The following VPS8 variants were observed in gnomAD, a reference collection of about 807,000 sequenced individuals.
The protein encoded by VPS8 is VPS8 subunit of CORVET complex.
Under a neutral mutation model 216.4 loss-of-function variants are expected in VPS8, and 129 were observed. The ratio of observed to expected loss-of-function variants is 0.60; its 90% CI spans 0.52 to 0.69. The LOEUF (loss-of-function observed/expected upper bound fraction) is 0.69. VPS8 is among the 30% of genes least tolerant of loss of function. The pLI is 0.00. For missense variants in VPS8, 1,531 were observed against 1,683.5 expected (o/e 0.91, Z 1.59); for synonymous variants, 571 against 565.4 (o/e 1.01, Z -0.14).
At chr3:185,005,100 A>G (rs1265548983) in intron 45 of VPS8, among the ~76,000 whole-genome samples, 1 of 152,154 alleles carries the variant, frequency 6.6e-6, no homozygotes, top group Non-Finnish European at 1.5e-5. Flanking sequence ...TGGCTTGCCA[A>G]TTATCCCAAG....
At chr3:184,888,929 A>G (rs1731810936) in intron 22 of VPS8, among the ~76,000 whole-genome samples, 1 of 152,222 alleles carries the variant, frequency 6.6e-6, no homozygotes, top group South Asian at 2.1e-4. Context: ...GAATACTAGA[A>G]TACTGTCACA....
chr3:184,991,922 T>A (rs575151466), intron 42 of VPS8, among the ~76,000 whole-genome samples: 15 of 152,318 alleles, frequency 9.8e-5, no homozygotes, highest in African/African-American at 3.1e-4. Context: ...AGCTGTGAAG[T>A]AGAAATTTTT....
intron 23 of VPS8, among the ~76,000 whole-genome samples, chr3:184,896,577 C>A (rs79282682): frequency 3.3e-4 from 51 of 152,274 alleles, no homozygotes; most frequent in African/African-American, 1.2e-3. Flanking sequence ...TCAACAATGG[C>A]CTCTTTGTCC....
intron 21 of VPS8, among the ~76,000 whole-genome samples, chr3:184,884,761 C>T (rs1730906000): frequency 6.6e-6 from 1 of 152,176 alleles, no homozygotes. Context: ...CCAAGCTCTT[C>T]TGTGACCAGC....
chr3:185,043,413 A>G (rs1184751143), intron 46 of VPS8, among the ~76,000 whole-genome samples: 1 of 152,192 alleles, frequency 6.6e-6, no homozygotes, highest in Non-Finnish European at 1.5e-5. Context: ...TTCCCTCACA[A>G]GAAAGAGCCT....
chr3:184,942,006 A>T (rs754275421), intron 36 of VPS8, among the ~76,000 whole-genome samples: 72 of 151,938 alleles, frequency 4.7e-4, no homozygotes, highest in Non-Finnish European at 8.2e-4. Flanking sequence ...TTATCCTCTT[A>T]CTTTATGTCT....
intron 36 of VPS8, among the ~76,000 whole-genome samples, chr3:184,955,508 A>G (rs1454324739): frequency 3.3e-5 from 5 of 151,572 alleles, no homozygotes; most frequent in African/African-American, 7.3e-5. Context: ...CTCGTCTTGT[A>G]TGCAATAAAT....
intron 7 of VPS8, among the ~76,000 whole-genome samples, chr3:184,842,555 C>T (rs948442190): frequency 2.6e-5 from 4 of 152,032 alleles, no homozygotes; most frequent in Non-Finnish European, 4.4e-5. Context: ...GTTTGGACAA[C>T]GTGTTTTATC....
At chr3:184,965,426 T>C (rs1180281325) in intron 38 of VPS8, among the ~76,000 whole-genome samples, 1 of 152,182 alleles carries the variant, frequency 6.6e-6, no homozygotes, top group Non-Finnish European at 1.5e-5. Flanking sequence ...CTGACATTGA[T>C]GAGAGGAGAA....
intron 36 of VPS8, among the ~76,000 whole-genome samples, chr3:184,948,358 A>C (rs1744068876): frequency 6.6e-6 from 1 of 152,134 alleles, no homozygotes; most frequent in Admixed American, 6.6e-5. Flanking sequence ...AAACAAATAA[A>C]AATGAAAAAT....
At chr3:185,027,279 G>C (rs1414993760) in intron 46 of VPS8, among the ~76,000 whole-genome samples, 1 of 117,930 alleles carries the variant, frequency 8.5e-6, no homozygotes, top group East Asian at 2.6e-4. Flanking sequence ...GTCTCGCTCT[G>C]TCGCCCAGGC....
intron 1 of VPS8, chr3:184,815,753 G>A (rs1473290991): frequency 6.6e-6 from 1 of 151,624 alleles, no homozygotes; most frequent in African/African-American, 2.4e-5. Flanking sequence ...GTGGTGCTGG[G>A]GTGTTTTAAC....
intron 36 of VPS8, among the ~76,000 whole-genome samples, chr3:184,940,449 C>T (rs1425475285): frequency 6.6e-6 from 1 of 151,964 alleles, no homozygotes; most frequent in East Asian, 1.9e-4. Context: ...CTTTTCTTTC[C>T]ATTTGAACAT....
At chr3:184,911,655 C>T (rs891905490) in intron 25 of VPS8, among the ~76,000 whole-genome samples, 1 of 152,182 alleles carries the variant, frequency 6.6e-6, no homozygotes, top group African/African-American at 2.4e-5. Context: ...TTCACTAACC[C>T]TGTTTTTAGA....
chr3:184,892,153 A>C (rs1459894064), intron 22 of VPS8, among the ~76,000 whole-genome samples: 1 of 152,204 alleles, frequency 6.6e-6, no homozygotes, highest in African/African-American at 2.4e-5. Context: ...GGAAACAAAG[A>C]TAGCACCCTG....
At chr3:184,862,164 C>T (rs989555440) in intron 15 of VPS8, among the ~76,000 whole-genome samples, 9 of 152,186 alleles carry the variant, frequency 5.9e-5, no homozygotes, top group Non-Finnish European at 1.2e-4. Context: ...AGGGGACGCA[C>T]TTCGTTCTGG....
intron 46 of VPS8, among the ~76,000 whole-genome samples, chr3:185,040,527 A>G (rs1759483436): frequency 6.6e-6 from 1 of 152,112 alleles, no homozygotes; most frequent in African/African-American, 2.4e-5. Flanking sequence ...CAGGCAGAAC[A>G]TCCACAATCC....
intron 46 of VPS8, among the ~76,000 whole-genome samples, chr3:185,028,210 A>G (rs1757652647): frequency 6.6e-6 from 1 of 152,134 alleles, no homozygotes; most frequent in African/African-American, 2.4e-5. Context: ...GCACATACTT[A>G]TTATCATGCT....
chr3:184,904,447 T>C (rs1735117548), intron 25 of VPS8, among the ~76,000 whole-genome samples: 1 of 152,254 alleles, frequency 6.6e-6, no homozygotes, highest in African/African-American at 2.4e-5. Context: ...CTGCAGCTAT[T>C]AAGATTATCT....
Sources: allele counts gnomAD v4.1 joint callset (sites outside exome capture counted in the v4.1 genomes callset), GRCh38; gene constraint gnomAD v4.1.1; transcripts MANE v1.5; gene names NCBI Gene and HGNC (gene_info 2026-07-23, HGNC 2026-07-21).